Variants in GTF2E2 observed in about 807,000 individuals in gnomAD.
GTF2E2 encodes transcription initiation factor IIE subunit beta.
GTF2E2 carries 21 observed loss-of-function variants against 40.5 expected under a neutral mutation model. That is an observed-to-expected ratio of 0.52 (90% confidence interval 0.37 to 0.75). The LOEUF (loss-of-function observed/expected upper bound fraction) is 0.75, where lower values mean the gene tolerates loss of function less well. Ranked by LOEUF, GTF2E2 falls within the 30% of genes least tolerant of loss-of-function variation. The pLI, the probability that GTF2E2 is intolerant of heterozygous loss-of-function variation, is 0.00. For missense variants in GTF2E2, 298 were observed against 338.4 expected, an observed-to-expected ratio of 0.88 and a Z score of 0.94; for synonymous variants, 117 against 121.6, an observed-to-expected ratio of 0.96 and a Z score of 0.25.
At chr8:30,598,137 A>G (rs1315779365) in intron 6 of GTF2E2, among the ~76,000 whole-genome samples, 7 of 152,258 alleles carry the variant, frequency 4.6e-5, no homozygotes, top group African/African-American at 1.7e-4. Flanking sequence ...TTCTCTTTGT[A>G]TAACAATAAA....
intron 3 of GTF2E2, among the ~76,000 whole-genome samples, chr8:30,622,125 C>T (rs1286333506): frequency 1.5e-4 from 3 of 19,436 alleles, no homozygotes; most frequent in East Asian, 1.3e-3. Context: ...CCTCCCCCCT[C>T]CCCCCACCCA....
intron 6 of GTF2E2, among the ~76,000 whole-genome samples, chr8:30,606,476 A>G (rs1400058056): frequency 1.3e-5 from 2 of 152,226 alleles, no homozygotes; most frequent in East Asian, 3.8e-4. Flanking sequence ...CAATTGGTAA[A>G]CTTGAATAAT....
At chr8:30,653,700 T>C (rs895543661) in intron 1 of GTF2E2, 98 bp from the exon 2 acceptor site, 4 of 768,166 alleles carry the variant, frequency 5.2e-6, no homozygotes, top group African/African-American at 3.5e-5. Flanking sequence ...CAAACAAAAT[T>C]ACCTTTTATT....
chr8:30,626,711 T>C (rs1294295156), intron 3 of GTF2E2, among the ~76,000 whole-genome samples: 2 of 152,196 alleles, frequency 1.3e-5, no homozygotes, highest in South Asian at 2.1e-4. Context: ...TATAATCTTC[T>C]GGGTCATTTT....
chr8:30,641,473 C>G (rs536453809), intron 2 of GTF2E2, among the ~76,000 whole-genome samples: 2 of 152,322 alleles, frequency 1.3e-5, no homozygotes, highest in East Asian at 1.9e-4. Flanking sequence ...AGCTATCCCC[C>G]CACCTGAGCC....
chr8:30,603,911 G>T (rs926458866), intron 6 of GTF2E2, among the ~76,000 whole-genome samples: 1 of 151,984 alleles, frequency 6.6e-6, no homozygotes, highest in Non-Finnish European at 1.5e-5. Flanking sequence ...CTGAAAAACC[G>T]CACACTATTA....
chr8:30,587,397 A>C (rs904444975), intron 6 of GTF2E2, among the ~76,000 whole-genome samples: 4 of 152,056 alleles, frequency 2.6e-5, no homozygotes, highest in African/African-American at 7.2e-5. Flanking sequence ...TGGGCAACAA[A>C]ATGAGACGCT....
At chr8:30,587,197 G>A (rs984698235) in intron 6 of GTF2E2, among the ~76,000 whole-genome samples, 6 of 152,054 alleles carry the variant, frequency 3.9e-5, no homozygotes, top group African/African-American at 7.2e-5. Flanking sequence ...GATTGCTTGA[G>A]CCTAGGAGTT....
At chr8:30,604,182 C>A (rs959480506) in intron 6 of GTF2E2, among the ~76,000 whole-genome samples, 1 of 151,800 alleles carries the variant, frequency 6.6e-6, no homozygotes, top group Admixed American at 6.6e-5. Context: ...CAAAATCTGA[C>A]AAAGCACACA....
chr8:30,649,696 T>C (rs918806828), intron 2 of GTF2E2, among the ~76,000 whole-genome samples: 3 of 152,020 alleles, frequency 2.0e-5, no homozygotes, highest in African/African-American at 7.2e-5. Context: ...AATACAAAAA[T>C]TAGCTGAGCG....
intron 3 of GTF2E2, among the ~76,000 whole-genome samples, chr8:30,620,034 G>A (rs1801040985): frequency 6.6e-6 from 1 of 151,972 alleles, no homozygotes; most frequent in African/African-American, 2.4e-5. Context: ...AATGCAGGTG[G>A]CCTGTAGAAA....
intron 6 of GTF2E2, among the ~76,000 whole-genome samples, chr8:30,598,696 A>G (rs959014629): frequency 6.6e-6 from 1 of 152,252 alleles, no homozygotes; most frequent in Non-Finnish European, 1.5e-5. Context: ...CTGCATAAAT[A>G]CTTAAGATGA....
chr8:30,585,183 T>A (rs546684377), intron 6 of GTF2E2: 1 of 152,450 alleles, frequency 6.6e-6, no homozygotes, highest in African/African-American at 2.4e-5. Context: ...CGAAACTCCG[T>A]CTCAATAATA....
chr8:30,587,373 G>A (rs539049398), intron 6 of GTF2E2, among the ~76,000 whole-genome samples: 3 of 151,624 alleles, frequency 2.0e-5, no homozygotes, highest in South Asian at 2.1e-4. Flanking sequence ...AGATCATGCC[G>A]CTGCATTACA....
chr8:30,632,042 C>T (rs1049617857), intron 3 of GTF2E2, among the ~76,000 whole-genome samples: 4 of 152,094 alleles, frequency 2.6e-5, no homozygotes, highest in Non-Finnish European at 5.9e-5. Flanking sequence ...GCTAGGAGAT[C>T]GAGGCTGCAG....
intron 6 of GTF2E2, among the ~76,000 whole-genome samples, chr8:30,593,184 C>T (rs2098912885): frequency 6.6e-6 from 1 of 152,180 alleles, no homozygotes; most frequent in African/African-American, 2.4e-5. Flanking sequence ...AGAGTGAAAC[C>T]TGTCTCAAAA....
chr8:30,602,020 C>CT (rs11292554), intron 6 of GTF2E2, among the ~76,000 whole-genome samples: 343 of 141,836 alleles, frequency 2.4e-3, no homozygotes, highest in East Asian at 3.4e-3. Flanking sequence ...ATTTTTTAAT[C>CT]TTTTTTTTTT....
chr8:30,633,988 C>G (rs1454385605), intron 3 of GTF2E2, among the ~76,000 whole-genome samples: 2 of 152,006 alleles, frequency 1.3e-5, no homozygotes, highest in Non-Finnish European at 2.9e-5. Context: ...TATATTTTAA[C>G]CAATAGATGG....
chr8:30,645,560 T>A, intron 2 of GTF2E2: 2 of 1,535,636 alleles, frequency 1.3e-6, no homozygotes, highest in Non-Finnish European at 1.7e-6. Context: ...AGAAGTATGA[T>A]GGACAACATC....
Sources: gnomAD v4.1 joint callset for allele counts (sites outside exome capture counted in the v4.1 genomes callset) on GRCh38, gnomAD v4.1.1 for gene constraint, MANE v1.5 for transcripts, NCBI Gene and HGNC (gene_info 2026-07-23, HGNC 2026-07-21) for gene names.